SHISA6: variants seen among roughly 807,000 people sequenced by gnomAD.
SHISA6 encodes shisa family member 6, also known as protein shisa-6.
A neutral mutation model predicts 47.9 loss-of-function variants in SHISA6; 22 were observed. The ratio of observed to expected loss-of-function variants is 0.46; its 90% confidence interval spans 0.33 to 0.66. The LOEUF (loss-of-function observed/expected upper bound fraction) is 0.66. Among genes scored for constraint, SHISA6 ranks in the 30% least tolerant of loss-of-function variants. The probability of loss-of-function intolerance (pLI) is 0.02; values close to 1 mark genes in which losing one functional copy is unlikely to be tolerated. For missense variants in SHISA6, 680 were observed against 764.6 expected (o/e 0.89, Z 1.30); for synonymous variants, 388 against 337.8 (o/e 1.15, Z -1.63).
chr17:11,290,972 T>G (rs1909515203), intron 2 of SHISA6, among the ~76,000 whole-genome samples: 1 of 151,436 alleles, frequency 6.6e-6, no homozygotes, highest in Non-Finnish European at 1.5e-5. Flanking sequence ...GTTCCATTTA[T>G]TATTAATTTA....
chr17:11,302,467 T>A (rs79246345), intron 2 of SHISA6, among the ~76,000 whole-genome samples: 1,977 of 152,270 alleles, frequency 0.013, 46 homozygotes, highest in African/African-American at 0.045. Context: ...TCAGCTCATT[T>A]TTTACGTGGT....
intron 3 of SHISA6, among the ~76,000 whole-genome samples, chr17:11,416,488 G>A (rs140677163): frequency 1.7e-4 from 26 of 152,226 alleles, no homozygotes; most frequent in Admixed American, 5.2e-4. Flanking sequence ...CTGCAGAACT[G>A]TATGGATCTC....
At chr17:11,449,766 G>T (rs2142304301) in intron 3 of SHISA6, among the ~76,000 whole-genome samples, 1 of 152,324 alleles carries the variant, frequency 6.6e-6, no homozygotes, top group African/African-American at 2.4e-5. Flanking sequence ...GGGAAAATCT[G>T]CCTAGCGTCT....
chr17:11,339,281 A>G (rs548915946), intron 2 of SHISA6, among the ~76,000 whole-genome samples: 4 of 152,310 alleles, frequency 2.6e-5, no homozygotes, highest in Admixed American at 6.5e-5. Flanking sequence ...ACTAAATGAA[A>G]TTAACAAATT....
At chr17:11,482,290 A>G (rs1402970128) in intron 3 of SHISA6, among the ~76,000 whole-genome samples, 2 of 152,246 alleles carry the variant, frequency 1.3e-5, no homozygotes, top group Non-Finnish European at 2.9e-5. Context: ...CAAGAAATTT[A>G]AAAAGAAAAT....
chr17:11,500,875 T>C (rs2071446667), intron 3 of SHISA6, among the ~76,000 whole-genome samples: 1 of 152,094 alleles, frequency 6.6e-6, no homozygotes, highest in Non-Finnish European at 1.5e-5. Flanking sequence ...GGCAGAAAGG[T>C]TGTTTTTTCC....
At chr17:11,418,146 TA>T (rs1914339559) in intron 3 of SHISA6, among the ~76,000 whole-genome samples, 1 of 152,206 alleles carries the variant, frequency 6.6e-6, no homozygotes, top group South Asian at 2.1e-4. Flanking sequence ...ATGTGAAAAG[TA>T]AGTAATGGTT....
chr17:11,485,447 G>T (rs1273661755), intron 3 of SHISA6, among the ~76,000 whole-genome samples: 1 of 152,180 alleles, frequency 6.6e-6, no homozygotes, highest in African/African-American at 2.4e-5. Context: ...AGTGGGCAAT[G>T]CTGTCTCACA....
chr17:11,447,502 C>T (rs547250672), intron 3 of SHISA6, among the ~76,000 whole-genome samples: 5 of 152,308 alleles, frequency 3.3e-5, no homozygotes, highest in Non-Finnish European at 7.3e-5. Context: ...CTTGAGTTAA[C>T]ACAGATCTTT....
rs546499822 is a variant in SHISA6 at position 11,501,997 on chromosome 17, G to T, written c.896-49899G>T. ...TTGTTTTTCCCTTTTTCAACTTTGG[G>T]TTTATTTGAGGTTCCTCTACCTGGG... On this transcript the variant is annotated intron_variant, in intron 3 of 5. Transcript: ENST00000441885. Among the ~76,000 whole-genome samples, 3 of 152,212 alleles carry T rather than the reference G, an allele frequency of 2.0e-5. No homozygotes were observed. In the East Asian group the frequency reaches 5.8e-4, roughly 29 times the overall value.
intron 3 of SHISA6, among the ~76,000 whole-genome samples, chr17:11,385,574 A>G (rs983979025): frequency 2.0e-5 from 3 of 152,184 alleles, no homozygotes; most frequent in African/African-American, 7.2e-5. Context: ...TTAACCATCC[A>G]GGTGAAAATG....
At chr17:11,290,793 T>G (rs1393693421) in intron 2 of SHISA6, 1 of 152,038 alleles carries the variant, frequency 6.6e-6, no homozygotes, top group Non-Finnish European at 1.5e-5. Context: ...GTCAAAACAA[T>G]TAAATATTGT....
intron 3 of SHISA6, among the ~76,000 whole-genome samples, chr17:11,526,892 T>TATATACATATATATATATATATATATAC (rs2071688493): frequency 7.6e-5 from 1 of 13,140 alleles, no homozygotes; most frequent in African/African-American, 4.7e-4. Flanking sequence ...TATATATATA[T>TATATACATATATATATATATATATATAC]ATATATATAT....
At chr17:11,467,339 C>G (rs1468493829) in intron 3 of SHISA6, among the ~76,000 whole-genome samples, 1 of 152,170 alleles carries the variant, frequency 6.6e-6, no homozygotes, top group Non-Finnish European at 1.5e-5. Context: ...ACCACCAACA[C>G]CACCCTCAAG....
intron 3 of SHISA6, among the ~76,000 whole-genome samples, chr17:11,496,367 A>G (rs1372655394): frequency 6.6e-6 from 1 of 152,260 alleles, no homozygotes; most frequent in African/African-American, 2.4e-5. Context: ...GGCTAAAAAT[A>G]ACACGGTGGG....
chr17:11,449,999 G>C (rs28477462), intron 3 of SHISA6, among the ~76,000 whole-genome samples: 39,991 of 151,990 alleles, frequency 0.26, 5,439 homozygotes, highest in South Asian at 0.36. Flanking sequence ...ATTCTCCTGC[G>C]TCAGCCTCCC....
intron 2 of SHISA6, among the ~76,000 whole-genome samples, chr17:11,375,081 T>C (rs1912755297): frequency 1.3e-5 from 2 of 152,190 alleles, no homozygotes; most frequent in African/African-American, 4.8e-5. Flanking sequence ...GTGTTCTCCT[T>C]TATTTTTTAA....
At chr17:11,334,535 A>C (rs1296280640) in intron 2 of SHISA6, among the ~76,000 whole-genome samples, 1 of 152,182 alleles carries the variant, frequency 6.6e-6, no homozygotes, top group Admixed American at 6.5e-5. Context: ...TCTGCCCTCC[A>C]GGAGAGCGCT....
intron 1 of SHISA6, among the ~76,000 whole-genome samples, chr17:11,261,893 A>G (rs555450991): frequency 1.3e-5 from 2 of 152,226 alleles, no homozygotes; most frequent in Non-Finnish European, 2.9e-5. Context: ...GAGCTGCTAA[A>G]CTGTTTACCA....
Sources: allele counts gnomAD v4.1 joint callset (sites outside exome capture counted in the v4.1 genomes callset), GRCh38; gene constraint gnomAD v4.1.1; transcripts MANE v1.5; gene names NCBI Gene and HGNC (gene_info 2026-07-23, HGNC 2026-07-21).